The following NCOA2 variants were observed in gnomAD, a reference collection of about 807,000 sequenced individuals.
NCOA2 encodes class E basic helix-loop-helix protein 75.
A neutral mutation model predicts 145.1 loss-of-function variants in NCOA2; 21 were observed. The observed-to-expected ratio is 0.14, with a 90% CI of 0.10 to 0.21. NCOA2 has a LOEUF of 0.21. Ranked by LOEUF, NCOA2 falls within the 10% of genes least tolerant of loss-of-function variation. The pLI is 1.00. For missense variants in NCOA2, 1,472 were observed against 1,837.6 expected (o/e 0.80, Z 3.64); for synonymous variants, 619 against 637.5 (o/e 0.97, Z 0.44).
intron 1 of NCOA2, among the ~76,000 whole-genome samples, chr8:70,394,629 ATTC>A (rs1813495626): frequency 6.6e-6 from 1 of 152,224 alleles, no homozygotes; most frequent in Non-Finnish European, 1.5e-5. Context: ...AGAGGCAGGC[ATTC>A]TTCAAGTTTT....
chr8:70,447,523 G>T, the NCOA2 span, among the ~76,000 whole-genome samples: 4 of 152,034 alleles, frequency 2.6e-5, no homozygotes, highest in Admixed American at 2.6e-4. Context: ...CACTTAGAGT[G>T]ACTGACTCAC....
At chr8:70,245,328 G>A (rs1313211308) in intron 2 of NCOA2, 9 of 152,012 alleles carry the variant, frequency 5.9e-5, no homozygotes, top group Admixed American at 5.9e-4. Flanking sequence ...AATCCAGCAT[G>A]GTGGAACACT....
chr8:70,389,896 C>T (rs1306519924), intron 1 of NCOA2, among the ~76,000 whole-genome samples: 1 of 151,906 alleles, frequency 6.6e-6, no homozygotes, highest in Non-Finnish European at 1.5e-5. Context: ...GAACTCCTGA[C>T]CTCAGGTGAT....
At chr8:70,412,850 C>A in the NCOA2 span, among the ~76,000 whole-genome samples, 3 of 151,930 alleles carry the variant, frequency 2.0e-5, no homozygotes, top group Non-Finnish European at 4.4e-5. Flanking sequence ...ATAATCCCAG[C>A]ACTTTAGGAG....
chr8:70,441,263 G>A, the NCOA2 span, among the ~76,000 whole-genome samples: 1,450 of 130,748 alleles, frequency 0.011, 29 homozygotes, highest in African/African-American at 0.038. Context: ...AAAGGGGAAA[G>A]AGAAAAAAGG....
intron 2 of NCOA2, among the ~76,000 whole-genome samples, chr8:70,239,792 T>C (rs774948419): frequency 1.3e-4 from 19 of 151,972 alleles, no homozygotes; most frequent in Admixed American, 2.6e-4. Flanking sequence ...AAAAGACACA[T>C]AGGAAGAAAC....
intron 1 of NCOA2, chr8:70,357,510 G>A (rs888890870): frequency 1.3e-5 from 2 of 152,494 alleles, no homozygotes; most frequent in African/African-American, 2.4e-5. Context: ...GGGAGGCCGA[G>A]GTCGGCAGAT....
intron 1 of NCOA2, among the ~76,000 whole-genome samples, chr8:70,363,251 C>T (rs1319961394): frequency 6.6e-6 from 1 of 151,428 alleles, no homozygotes; most frequent in African/African-American, 2.4e-5. Context: ...GACGTGGTGG[C>T]GGGCGCCTGT....
At chr8:70,255,973 T>C (rs1425261217) in intron 2 of NCOA2, among the ~76,000 whole-genome samples, 1 of 152,212 alleles carries the variant, frequency 6.6e-6, no homozygotes, top group Non-Finnish European at 1.5e-5. Context: ...CCTTCCTAAG[T>C]CTGTTTTGGA....
At chr8:70,141,814 T>C (rs1810469816) in intron 13 of NCOA2, among the ~76,000 whole-genome samples, 1 of 152,206 alleles carries the variant, frequency 6.6e-6, no homozygotes, top group Non-Finnish European at 1.5e-5. Flanking sequence ...TTATAAACGA[T>C]AATCATAGAA....
intron 4 of NCOA2, among the ~76,000 whole-genome samples, chr8:70,190,761 CAGG>C (rs1031656957): frequency 2.0e-5 from 3 of 152,104 alleles, no homozygotes; most frequent in African/African-American, 7.2e-5. Context: ...GAGGGTGAAG[CAGG>C]AGAATTACTT....
chr8:70,273,850 C>A, intron 2 of NCOA2: 1 of 554,542 alleles, frequency 1.8e-6, no homozygotes, highest in South Asian at 1.4e-5. Context: ...TGAAGTGAGT[C>A]AACTTCAGTG....
At chr8:70,440,439 C>T in the NCOA2 span, among the ~76,000 whole-genome samples, 6 of 151,920 alleles carry the variant, frequency 3.9e-5, no homozygotes, top group East Asian at 1.9e-4. Flanking sequence ...CCAGGTGTGG[C>T]GGCACACACC....
chr8:70,216,893 T>C, intron 2 of NCOA2, 129 bp from the exon 3 acceptor site: 1 of 584,212 alleles, frequency 1.7e-6, no homozygotes, highest in South Asian at 2.2e-5. Context: ...TTAACATTGT[T>C]TTATGTGCAT....
At chr8:70,355,158 T>C (rs568594326) in intron 1 of NCOA2, among the ~76,000 whole-genome samples, 1 of 152,320 alleles carries the variant, frequency 6.6e-6, no homozygotes, top group South Asian at 2.1e-4. Flanking sequence ...ATGTTGACCA[T>C]ATGTGTGGCA....
intron 2 of NCOA2, among the ~76,000 whole-genome samples, chr8:70,263,946 C>T (rs571227292): frequency 1.3e-5 from 2 of 152,294 alleles, no homozygotes; most frequent in Admixed American, 1.3e-4. Context: ...GGCGTGGTGG[C>T]TCATGCCTAT....
the NCOA2 span, among the ~76,000 whole-genome samples, chr8:70,425,463 C>T: frequency 4.9e-4 from 74 of 152,180 alleles, no homozygotes; most frequent in African/African-American, 1.8e-3. Flanking sequence ...AAACTAACTC[C>T]CCTCCCTGAA....
chr8:70,198,625 C>CT (rs1423255210), intron 4 of NCOA2, among the ~76,000 whole-genome samples: 4 of 151,898 alleles, frequency 2.6e-5, no homozygotes, highest in Admixed American at 2.0e-4. Flanking sequence ...TGAAAATAAA[C>CT]ATGGGAAAAA....
intron 4 of NCOA2, among the ~76,000 whole-genome samples, chr8:70,186,208 T>TTCTAACCATTAGAAGG (rs1427552032): frequency 1.3e-5 from 2 of 152,162 alleles, no homozygotes; most frequent in Non-Finnish European, 2.9e-5. Flanking sequence ...CCCAGGGACT[T>TTCTAACCATTAGAAGG]TCTAACCATT....
Sources: allele counts gnomAD v4.1 joint callset (sites outside exome capture counted in the v4.1 genomes callset), GRCh38; gene constraint gnomAD v4.1.1; transcripts MANE v1.5; gene names NCBI Gene and HGNC (gene_info 2026-07-23, HGNC 2026-07-21).